DNAH12: variants seen among roughly 807,000 people sequenced by gnomAD.
DNAH12 encodes the protein dynein axonemal heavy chain 12.
Under a neutral mutation model 371.5 loss-of-function variants are expected in DNAH12, and 285 were observed. That is an observed-to-expected ratio of 0.77 (90% CI 0.70 to 0.85). DNAH12 has a LOEUF of 0.85. Ranked by LOEUF, DNAH12 falls within the 40% of genes least tolerant of loss-of-function variation. The probability of loss-of-function intolerance (pLI) is 0.00; values close to 1 mark genes in which losing one functional copy is unlikely to be tolerated. For synonymous variants in DNAH12, 1,200 were observed against 1,213.0 expected (o/e 0.99, Z 0.22); for missense variants, 3,611 against 3,689.4 (o/e 0.98, Z 0.55).
In DNAH12 at chr3:57,323,209, G is replaced by C. The variant is rs1175431408; in HGVS notation, c.10181C>G (p.Ala3394Gly). 6.4e-7 allele frequency: 1 copy of C among 1,552,082 alleles called. No homozygotes were observed. Among genetic ancestry groups the C allele is most frequent in the Non-Finnish European group, 8.7e-7 (1 of 1,147,126 alleles). Residue 3394 changes from alanine to glycine, a missense_variant, in exon 64 of 74, where the codon GCT (alanine) becomes GGT (glycine). Ala to Gly is a moderately conservative substitution (Grantham distance 60, BLOSUM62 0). This residue lies in a region of DNAH12 where 2,266 missense variants were observed against 2,236.9 expected (regional missense o/e 1.01). Transcript: ENST00000495027. ...DKSMSGNKFQ[A>G]ISLGQGQGPI... ...TCCTTGTCCCTGTCCCAGTGAAATA[G>C]CTTGAAACTTATTTCCAGACATAGA...
chr3:57,322,523 AG>A, intron 64 of DNAH12, 40 bp from the exon 65 acceptor site: 2 of 1,533,104 alleles, frequency 1.3e-6, no homozygotes, highest in Non-Finnish European at 1.8e-6. Flanking sequence ...CAAGATAGCA[AG>A]TGGAGGCTCT....
At position 57,542,764 on chromosome 3, in the gene DNAH12, G is replaced by T; in HGVS notation, c.107C>A (p.Thr36Lys). ...TCTGTATTTTAGCAGCTTACTTTGT[G>T]TTGGTGTATCAACGCCTATGTTTTC... ...LPENIGVDTPTQSKLLKYRRS... is the reference protein window; with the variant it reads ...LPENIGVDTPKQSKLLKYRRS... The change falls in exon 2 of 74, where the codon ACA becomes AAA. Residue 36 changes from threonine to lysine, a missense_variant. Around this residue, in one of 3 missense-constraint regions of DNAH12, gnomAD observed 1,314 missense variants for 1,398.7 expected, o/e 0.94. Transcript: ENST00000495027. The T allele has an allele frequency of 6.2e-7, 1 of 1,612,544 alleles. No individual in the cohort carries two copies. The highest frequency in any genetic ancestry group is 2.2e-5 in the East Asian group (1 of 44,840).
chr3:57,294,562 AAACTC>A (rs2061193936), intron 73 of DNAH12, among the ~76,000 whole-genome samples: 2 of 152,170 alleles, frequency 1.3e-5, no homozygotes, highest in South Asian at 4.1e-4. Context: ...AGGCATGAGA[AAACTC>A]AAGAGGATTT....
chr3:57,486,708 T>C (rs2066932873), intron 12 of DNAH12, among the ~76,000 whole-genome samples: 1 of 151,232 alleles, frequency 6.6e-6, no homozygotes, highest in Admixed American at 6.6e-5. Flanking sequence ...TGTACACTGT[T>C]AGGTAGCAAA....
At chr3:57,430,488 TTA>T (rs1005490568) in intron 32 of DNAH12, among the ~76,000 whole-genome samples, 9 of 152,164 alleles carry the variant, frequency 5.9e-5, no homozygotes, top group Non-Finnish European at 1.0e-4. Flanking sequence ...ATTGAGTTTT[TTA>T]TGTCTCCTTG....
intron 34 of DNAH12, among the ~76,000 whole-genome samples, chr3:57,427,737 T>C (rs547481382): frequency 3.2e-4 from 48 of 151,764 alleles, no homozygotes; most frequent in African/African-American, 6.8e-4. Flanking sequence ...CATGTGAAGA[T>C]GGAAGAAGTT....
intron 32 of DNAH12, among the ~76,000 whole-genome samples, chr3:57,432,308 TACAGGCGCGCGCCACC>T (rs2064980867): frequency 6.6e-6 from 1 of 150,968 alleles, no homozygotes; most frequent in South Asian, 2.1e-4. Context: ...TAGCTGGGAT[TACAGGCGCGCGCCACC>T]ACACCCAGCT....
At chr3:57,306,831 TCAAC>T (rs1033438342) in intron 69 of DNAH12, among the ~76,000 whole-genome samples, 3 of 152,156 alleles carry the variant, frequency 2.0e-5, no homozygotes, top group Non-Finnish European at 4.4e-5. Flanking sequence ...CTGTGCCTTA[TCAAC>T]CAAATTGTTT....
intron 39 of DNAH12, 39 bp downstream of exon 39, chr3:57,413,707 G>A: frequency 6.6e-7 from 1 of 1,517,780 alleles, no homozygotes. Flanking sequence ...TAAAAACTGA[G>A]GTATAACTTC....
At chr3:57,358,843 G>T (rs978105945) in intron 58 of DNAH12, among the ~76,000 whole-genome samples, 1 of 152,048 alleles carries the variant, frequency 6.6e-6, no homozygotes, top group Non-Finnish European at 1.5e-5. Flanking sequence ...AGAGTGCAGC[G>T]GCATGATCTC....
At chr3:57,397,539 G>C (rs2063770256) in intron 43 of DNAH12, among the ~76,000 whole-genome samples, 1 of 152,180 alleles carries the variant, frequency 6.6e-6, no homozygotes, top group African/African-American at 2.4e-5. Context: ...CACCAGGTTG[G>C]AGGCCACTGA....
In DNAH12 at chr3:57,384,898, C is replaced by G. The variant is rs1011635317; in HGVS notation, c.7791G>C (p.Glu2597Asp). The part of the protein sequence containing the change: ...KAEEAQALKN[E>D]CESDLAEAIP... ...TCGCCTCAGCTAGGTCACTTTCACA[C>G]TCATTTTTCAGAGCTTGGGCTTCTT... Residue 2597 changes from glutamate to aspartate, a missense_variant, in exon 49 of 74, where the codon GAG (glutamate) becomes GAC (aspartate). Around this residue, in one of 3 missense-constraint regions of DNAH12, gnomAD observed 2,266 missense variants for 2,236.9 expected, o/e 1.01. Transcript: ENST00000495027. 6.6e-6 allele frequency: 1 copy of G among 152,194 alleles called. No individual in the cohort carries two copies. Among genetic ancestry groups the G allele is most frequent in the Non-Finnish European group, 1.5e-5 (1 of 68,044 alleles). The allele number at this position is 152,194 out of a possible 1,614,324, so 9.4% of individuals were successfully genotyped here.
At chr3:57,327,068 G>T (rs1308719155) in intron 62 of DNAH12, among the ~76,000 whole-genome samples, 1 of 151,194 alleles carries the variant, frequency 6.6e-6, no homozygotes, top group African/African-American at 2.4e-5. Context: ...AGCAAGTCCT[G>T]AGTGACCTAC....
chr3:57,336,731 A>G lies in DNAH12; in HGVS notation c.9675-1791T>C, dbSNP rs79236940. Among the ~76,000 whole-genome samples, 1,076 of 152,316 alleles carry G rather than the reference A, an allele frequency of 7.1e-3. 11 individuals carry two copies. Among genetic ancestry groups the G allele is most frequent in the African/African-American group, 0.024 (1,000 of 41,584 alleles). ...GTAAAAGATAATGTCAGGAATTTGG[A>G]AGTCATCACTCACATCCTCACAATA... On this transcript the variant is annotated intron_variant, in intron 60 of 73. Coordinates refer to ENST00000495027, the MANE Select transcript of DNAH12 (RefSeq NM_001366028.2).
At chr3:57,362,135 T>C (rs1197820995) in intron 58 of DNAH12, among the ~76,000 whole-genome samples, 2 of 152,036 alleles carry the variant, frequency 1.3e-5, no homozygotes, top group Non-Finnish European at 2.9e-5. Context: ...GTCCTTGCAA[T>C]AGTTTGCTCA....
chr3:57,478,929 A>G (rs1280283245), intron 13 of DNAH12, among the ~76,000 whole-genome samples: 1 of 152,198 alleles, frequency 6.6e-6, no homozygotes, highest in South Asian at 2.1e-4. Flanking sequence ...AGGAAGCGCT[A>G]AACATGGAAA....
intron 30 of DNAH12, among the ~76,000 whole-genome samples, chr3:57,434,897 A>C (rs1427352886): frequency 6.6e-6 from 1 of 152,218 alleles, no homozygotes; most frequent in African/African-American, 2.4e-5. Flanking sequence ...GTTTGCAAGC[A>C]GGAATGAAAG....
chr3:57,371,454 C>A (rs1453055036), intron 55 of DNAH12, among the ~76,000 whole-genome samples: 1 of 151,924 alleles, frequency 6.6e-6, no homozygotes, highest in Non-Finnish European at 1.5e-5. Context: ...TACTAAAAAT[C>A]ACCGAATTGT....
intron 2 of DNAH12, among the ~76,000 whole-genome samples, chr3:57,528,879 A>G (rs1377291882): frequency 6.6e-6 from 1 of 151,442 alleles, no homozygotes; most frequent in Non-Finnish European, 1.5e-5. Context: ...CGCTCACTGT[A>G]ACCTCTGCCA....
Sources: gnomAD v4.1 joint callset for allele counts (sites outside exome capture counted in the v4.1 genomes callset) on GRCh38, gnomAD v4.1.1 for gene constraint, gnomAD v4.1.1 regional missense constraint, MANE v1.5 for transcripts, NCBI Gene and HGNC (gene_info 2026-07-23, HGNC 2026-07-21) for gene names.